Variants in LRRC27 observed in about 807,000 individuals in gnomAD.
The protein encoded by LRRC27 is leucine rich repeat containing 27.
A neutral mutation model predicts 55.0 loss-of-function variants in LRRC27; 57 were observed. The observed-to-expected ratio is 1.04, with a 90% CI of 0.84 to 1.29. The LOEUF (loss-of-function observed/expected upper bound fraction) is 1.29. Among genes scored for constraint, LRRC27 ranks in the 50% most tolerant of loss-of-function variants. The pLI, the probability that LRRC27 is intolerant of heterozygous loss-of-function variation, is 0.00. For missense variants in LRRC27, 721 were observed against 651.5 expected, an observed-to-expected ratio of 1.11 and a Z score of -1.16; for synonymous variants, 278 against 251.9, an observed-to-expected ratio of 1.10 and a Z score of -0.98.
chr10:132,346,565 A>C (rs892283329), intron 5 of LRRC27, among the ~76,000 whole-genome samples: 2 of 152,192 alleles, frequency 1.3e-5, no homozygotes, highest in Non-Finnish European at 2.9e-5. Flanking sequence ...AGTCCCAGCT[A>C]CTTGGGAGGC....
chr10:132,349,037 G>T, intron 6 of LRRC27: 1 of 1,608,752 alleles, frequency 6.2e-7, no homozygotes, highest in East Asian at 2.2e-5. Flanking sequence ...GTGGTAGGGC[G>T]TGCGCCTACA....
chr10:132,355,006 G>A (rs766167338), intron 7 of LRRC27, among the ~76,000 whole-genome samples: 3 of 152,348 alleles, frequency 2.0e-5, no homozygotes, highest in East Asian at 1.9e-4. Context: ...AGCCCTGGGC[G>A]GCGAGCTGTG....
intron 4 of LRRC27, among the ~76,000 whole-genome samples, chr10:132,342,886 A>AT (rs1345111181): frequency 6.6e-6 from 1 of 152,234 alleles, no homozygotes; most frequent in Non-Finnish European, 1.5e-5. Context: ...TTTGTAAGTC[A>AT]CTTGCTACCA....
At chr10:132,356,118 C>T (rs2068300542) in intron 8 of LRRC27, among the ~76,000 whole-genome samples, 1 of 152,192 alleles carries the variant, frequency 6.6e-6, no homozygotes, top group Non-Finnish European at 1.5e-5. Flanking sequence ...TTGCTCACTG[C>T]CCAGCCGGAG....
At chr10:132,361,327 G>A (rs943080478) in intron 8 of LRRC27, 130 bp from the exon 9 acceptor site, 11 of 761,846 alleles carry the variant, frequency 1.4e-5, no homozygotes, top group South Asian at 4.1e-5. Flanking sequence ...CACAGGGACC[G>A]TCTACCCGGG....
chr10:132,336,745 A>T, intron 2 of LRRC27: 1 of 768,750 alleles, frequency 1.3e-6, no homozygotes, highest in Non-Finnish European at 2.4e-6. Flanking sequence ...GGATCCAGGC[A>T]GTCTGGCTTT....
intron 8 of LRRC27, among the ~76,000 whole-genome samples, chr10:132,356,158 C>T (rs1449975100): frequency 6.6e-6 from 1 of 152,224 alleles, no homozygotes; most frequent in African/African-American, 2.4e-5. Context: ...GCCTTGAGGG[C>T]TTGCCTCTTG....
rs1564847113 is a variant in LRRC27, at chr10:132,359,154, C to CGTGGGGAGGAGCCGAGGTGGTGG, written c.1171-2303_1171-2302insGTGGGGAGGAGCCGAGGTGGTGG. 1.5e-4 allele frequency among the ~76,000 whole-genome samples: 13 copies of CGTGGGGAGGAGCCGAGGTGGTGG among 88,090 alleles called. 5 individuals are homozygous for CGTGGGGAGGAGCCGAGGTGGTGG. The East Asian group carries it at 8.1e-3, about 55-fold the overall frequency. The allele number at this position is 88,090 out of a possible 152,430, so 57.8% of individuals were successfully genotyped here. On this transcript the variant is annotated intron_variant, in intron 8 of 10. Coordinates refer to ENST00000368614, the MANE Select transcript of LRRC27 (RefSeq NM_030626.3). ...GTGGGAAGGAGCCGAGGTGGTGGAG[C>CGTGGGGAGGAGCCGAGGTGGTGG]AGCGTGGGGAGGTGCTGAGGTGGTG...
chr10:132,354,846 C>G (rs2068233556), intron 7 of LRRC27, among the ~76,000 whole-genome samples: 1 of 152,152 alleles, frequency 6.6e-6, no homozygotes, highest in Non-Finnish European at 1.5e-5. Context: ...GAGGGGGTAC[C>G]AACCACAGGA....
intron 8 of LRRC27, among the ~76,000 whole-genome samples, chr10:132,360,167 C>G (rs2068545435): frequency 6.6e-6 from 1 of 152,208 alleles, no homozygotes; most frequent in Admixed American, 6.5e-5. Context: ...ACAATCTTGG[C>G]TCACTGCAAC....
At chr10:132,330,542 C>T (rs2066644218), upstream of LRRC27, 1 of 716,024 alleles carries the variant, frequency 1.4e-6, no homozygotes, top group Admixed American at 2.0e-5. Context: ...CAGGGTCTCG[C>T]TGTCACCGAA....
chr10:132,331,911 C>A, upstream of LRRC27: 6 of 804,882 alleles, frequency 7.5e-6, no homozygotes, highest in South Asian at 1.2e-4. Context: ...CGCAGGCGCA[C>A]CACAACCCCC....
chr10:132,363,719 G>T (rs567941923), intron 9 of LRRC27, among the ~76,000 whole-genome samples: 1 of 152,178 alleles, frequency 6.6e-6, no homozygotes, highest in South Asian at 2.1e-4. Flanking sequence ...GCCTGGCCCC[G>T]GCCCTGCTGC....
chr10:132,341,766 T>A (rs1165342126), intron 3 of LRRC27, among the ~76,000 whole-genome samples: 1 of 152,192 alleles, frequency 6.6e-6, no homozygotes, highest in Non-Finnish European at 1.5e-5. Flanking sequence ...ACACTGGGAT[T>A]CCTCACTGCA....
chr10:132,331,574 C>T, upstream of LRRC27: 1 of 1,612,918 alleles, frequency 6.2e-7, no homozygotes, highest in Non-Finnish European at 8.5e-7. Context: ...GAAGTGGCTC[C>T]AGGAAGCCCC....
At chr10:132,364,598 A>C (rs1196715830) in intron 9 of LRRC27, among the ~76,000 whole-genome samples, 1 of 25,876 alleles carries the variant, frequency 3.9e-5, no homozygotes, top group Non-Finnish European at 8.1e-5. Context: ...ACACTCAGGC[A>C]GTCCGCGTCC....
intron 3 of LRRC27, among the ~76,000 whole-genome samples, chr10:132,340,815 A>G (rs1447460248): frequency 1.3e-5 from 2 of 150,750 alleles, no homozygotes; most frequent in Non-Finnish European, 3.0e-5. Context: ...AAAAAAAAGT[A>G]CAAAAAAATT....
At position 132,339,506 on chromosome 10, in the gene LRRC27, G is replaced by A. The variant is rs7903892; in HGVS notation, c.341+1811G>A. Among the ~76,000 whole-genome samples the A allele has an allele frequency of 3.3e-3, 496 of 152,314 alleles. 8 individuals carry two copies. The highest frequency in any genetic ancestry group is 0.011 in the African/African-American group (464 of 41,558). ...AGGGCGGACCACAGACGGACCTGGA[G>A]GAGAAGAGTGTTCCGGGGCTCAGCT... On this transcript the variant is annotated intron_variant, in intron 3 of 10. Transcript: ENST00000368614.
rs1242450759 is a variant in LRRC27 at position 132,348,327 on chromosome 10, A to G, written c.897A>G (p.Lys299=). 1 of 1,613,134 alleles carries G rather than the reference A, an allele frequency of 6.2e-7. No homozygotes were observed. The highest frequency in any genetic ancestry group is 8.5e-7 in the Non-Finnish European group (1 of 1,179,424). The change falls in exon 6 of 11, where the codon AAA becomes AAG. Residue 299 remains lysine (K), a synonymous_variant. Transcript: ENST00000368614. The surrounding 1 kb of genome is among the most constrained non-coding windows in gnomAD (Gnocchi z 4.2). ...PNLKAALNIE[K]ELPKPRHVFR... is the part of the protein sequence containing the mutation. The stretch of plus-strand genomic sequence containing the variant: ...TCAAGGCGGCCTTGAACATTGAGAA[A>G]GAACTACCAAAGCCAAGACACGTTT...
Sources: allele counts gnomAD v4.1 joint callset (sites outside exome capture counted in the v4.1 genomes callset), GRCh38; gene constraint gnomAD v4.1.1; non-coding constraint Gnocchi (gnomAD v3.1); transcripts MANE v1.5; gene names NCBI Gene and HGNC (gene_info 2026-07-23, HGNC 2026-07-21).